The following USP50 variants were observed in gnomAD, a reference collection of about 807,000 sequenced individuals.
USP50 encodes the protein ubiquitin specific peptidase 50.
In USP50, 37 loss-of-function variants were observed where a neutral mutation model predicts 39.2. That is an observed-to-expected ratio of 0.94 (90% confidence interval 0.73 to 1.24). USP50 has a LOEUF of 1.24. Among genes scored for constraint, USP50 ranks in the 50% most tolerant of loss-of-function variants. The pLI, the probability that USP50 is intolerant of heterozygous loss-of-function variation, is 0.00. For missense variants in USP50, 374 were observed against 398.2 expected (o/e 0.94, Z 0.52); for synonymous variants, 139 against 144.5 (o/e 0.96, Z 0.27).
intron 6 of USP50, among the ~76,000 whole-genome samples, chr15:50,517,512 CT>C (rs1219484381): frequency 6.6e-6 from 1 of 151,648 alleles, no homozygotes; most frequent in Non-Finnish European, 1.5e-5. Flanking sequence ...ATATTAGGTA[CT>C]TTTCCAATCA....
chr15:50,503,675 A>G (rs1037697745), intron 6 of USP50: 1 of 152,200 alleles, frequency 6.6e-6, no homozygotes, highest in Non-Finnish European at 1.5e-5. Context: ...ATTCAAATTT[A>G]TACTACCTGT....
At chr15:50,493,301 GTGGTAACCTA>G, downstream of USP50, 2 of 519,224 alleles carry the variant, frequency 3.9e-6, no homozygotes, top group Non-Finnish European at 7.7e-6. Context: ...CGTGAATCTG[GTGGTAACCTA>G]TGAATAAGTA....
At chr15:50,520,602 C>A (rs2052841324) in intron 6 of USP50, among the ~76,000 whole-genome samples, 1 of 151,842 alleles carries the variant, frequency 6.6e-6, no homozygotes, top group South Asian at 2.1e-4. Context: ...AACTGGCCGA[C>A]TCTGTCTCTT....
chr15:50,544,009 G>C (rs2053051199), intron 2 of USP50: 2 of 553,720 alleles, frequency 3.6e-6, no homozygotes, highest in South Asian at 4.1e-5. Flanking sequence ...CCCCAGCTTG[G>C]GTGACAGAAC....
intron 5 of USP50, among the ~76,000 whole-genome samples, chr15:50,536,976 C>A (rs2141375991): frequency 6.6e-6 from 1 of 152,114 alleles, no homozygotes; most frequent in Non-Finnish European, 1.5e-5. Flanking sequence ...GGTAAAAGAT[C>A]CAGAGTAGCC....
chr15:50,507,137 G>C (rs1386027168), intron 6 of USP50: 1 of 152,272 alleles, frequency 6.6e-6, no homozygotes, highest in Non-Finnish European at 1.5e-5. Flanking sequence ...ACAAAAATTA[G>C]CTGGGTCTGG....
chr15:50,539,857 A>G (rs1251088758), intron 4 of USP50, among the ~76,000 whole-genome samples: 4 of 152,222 alleles, frequency 2.6e-5, no homozygotes, highest in Non-Finnish European at 5.9e-5. Flanking sequence ...ATTAGACCCC[A>G]TATCCATAGG....
chr15:50,493,350 G>A (rs964917251), downstream of USP50: 7 of 520,196 alleles, frequency 1.3e-5, no homozygotes, highest in African/African-American at 1.3e-4. Context: ...TACAGTATGT[G>A]AATAATTTCA....
At chr15:50,536,045 G>C (rs532824008) in intron 5 of USP50, among the ~76,000 whole-genome samples, 6 of 152,254 alleles carry the variant, frequency 3.9e-5, no homozygotes, top group Non-Finnish European at 7.4e-5. Flanking sequence ...TGAGTAACTA[G>C]AAGCTTTCCC....
At chr15:50,536,299 A>G (rs1199845774) in intron 5 of USP50, among the ~76,000 whole-genome samples, 1 of 152,234 alleles carries the variant, frequency 6.6e-6, no homozygotes, top group African/African-American at 2.4e-5. Flanking sequence ...TACAAGATTC[A>G]TATACAAAAA....
intron 1 of USP50, among the ~76,000 whole-genome samples, chr15:50,545,625 A>G (rs1373654668): frequency 1.3e-5 from 2 of 151,504 alleles, no homozygotes; most frequent in Non-Finnish European, 1.5e-5. Context: ...GCACATTAAG[A>G]GCATGAATAT....
At chr15:50,512,806 C>A (rs1205825546) in intron 6 of USP50, 2 of 151,358 alleles carry the variant, frequency 1.3e-5, no homozygotes, top group Non-Finnish European at 2.9e-5. Flanking sequence ...ACAAACAAAA[C>A]AAAAACAACA....
intron 6 of USP50, chr15:50,501,081 G>A (rs2052577971): frequency 2.3e-6 from 1 of 428,484 alleles, no homozygotes; most frequent in African/African-American, 2.0e-5. Context: ...ATATTTAGCA[G>A]CATCTGATTA....
At chr15:50,534,930 C>T (rs1213077121) in intron 5 of USP50, among the ~76,000 whole-genome samples, 1 of 152,148 alleles carries the variant, frequency 6.6e-6, no homozygotes. Flanking sequence ...CACTTGAAGT[C>T]AGGAGTTCAA....
intron 6 of USP50, chr15:50,506,529 C>A (rs1012720186): frequency 1.3e-5 from 2 of 152,204 alleles, no homozygotes; most frequent in South Asian, 4.1e-4. Context: ...CTGGTGCCAA[C>A]AAGGTTGGGG....
intron 6 of USP50, chr15:50,510,421 A>AT (rs979683604): frequency 1.6e-4 from 24 of 152,154 alleles, no homozygotes; most frequent in Non-Finnish European, 2.2e-4. Flanking sequence ...CAACAACCAA[A>AT]TGCAGTTTGT....
intron 6 of USP50, 93 bp downstream of exon 6, chr15:50,529,704 G>T: frequency 1.4e-6 from 2 of 1,413,458 alleles, no homozygotes; most frequent in Non-Finnish European, 1.9e-6. Context: ...TAGGGCATAA[G>T]CCAGGGAGAG....
chr15:50,544,634 C>T lies in USP50; in HGVS notation c.201G>A (p.Pro67=), dbSNP rs375983593. ...TCCCGGTGAGAAAGTATTCCACCAG[C>T]GGCAAGATGCTGCAGAGACACTGTG... ...AISQCLCSIL[P]LVEYFLTGKY... Residue 67 remains proline (P), a synonymous_variant, in exon 2 of 7, where the codon CCG becomes CCA. Transcript: ENST00000532404. 1.2e-4 allele frequency: 186 copies of T among 1,613,710 alleles called. 1 individual carries two copies. In the African/African-American group the frequency reaches 2.1e-3, roughly 18 times the overall value.
intron 5 of USP50, 68 bp downstream of exon 5, chr15:50,538,641 G>A (rs2053002433): frequency 7.0e-7 from 1 of 1,426,122 alleles, no homozygotes. Context: ...GTGAATTATT[G>A]GCATGTGAAT....
Sources: allele counts gnomAD v4.1 joint callset (sites outside exome capture counted in the v4.1 genomes callset), GRCh38; gene constraint gnomAD v4.1.1; transcripts MANE v1.5; gene names NCBI Gene and HGNC (gene_info 2026-07-23, HGNC 2026-07-21).